SLC6A3: variants seen among roughly 807,000 people sequenced by gnomAD.
SLC6A3 encodes solute carrier family 6 member 3.
Under a neutral mutation model 70.4 loss-of-function variants are expected in SLC6A3, and 19 were observed. The observed-to-expected ratio is 0.27, with a 90% CI of 0.19 to 0.40. The LOEUF (loss-of-function observed/expected upper bound fraction) is 0.40. SLC6A3 is among the 10% of genes least tolerant of loss of function. The pLI is 1.00. For missense variants in SLC6A3, 613 were observed against 838.5 expected, an observed-to-expected ratio of 0.73 and a Z score of 3.32; for synonymous variants, 368 against 356.6, an observed-to-expected ratio of 1.03 and a Z score of -0.36.
Position 1,405,100 on chromosome 5 carries a change from T to C in SLC6A3, c.1599+1088A>G, listed in dbSNP as rs947555396. Among the ~76,000 whole-genome samples the C allele has an allele frequency of 1.3e-5, 2 of 152,284 alleles. No individual in the cohort carries two copies. Among genetic ancestry groups the C allele is most frequent in the African/African-American group, 4.8e-5 (2 of 41,572 alleles). ...TGCTATTAAAAGCCCGCCCCATGAA[T>C]CCAGGAACCTTCAACGGGAGCCTTC... On this transcript the variant is annotated intron_variant, in intron 12 of 14. Coordinates refer to ENST00000270349, the MANE Select transcript of SLC6A3 (RefSeq NM_001044.5). This position sits in a 1 kb window ranked among gnomAD's most constrained non-coding sequence, Gnocchi z 5.3.
chr5:1,443,860 TG>T (rs202140391), intron 1 of SLC6A3, among the ~76,000 whole-genome samples: 8 of 151,662 alleles, frequency 5.3e-5, no homozygotes, highest in African/African-American at 1.9e-4. Flanking sequence ...GTTTTTTTGT[TG>T]TTGTTGTTGT....
chr5:1,412,119 T>TC (rs1384541508), intron 8 of SLC6A3, among the ~76,000 whole-genome samples: 4 of 152,238 alleles, frequency 2.6e-5, no homozygotes, highest in African/African-American at 9.7e-5. Flanking sequence ...ATTCCTGACC[T>TC]CCGCCTTCCA....
Position 1,442,142 on chromosome 5 carries a change from T to C in SLC6A3, c.287-652A>G, listed in dbSNP as rs552828483. On this transcript the variant is annotated intron_variant, in intron 2 of 14. Coordinates refer to ENST00000270349, the MANE Select transcript of SLC6A3 (RefSeq NM_001044.5). This position sits in a 1 kb window ranked among gnomAD's most constrained non-coding sequence, Gnocchi z 5.0. ...GGAGTGAGGGAGAGCTTTGCCACTC[T>C]CTCTCCTGGGGAAGGGGAGGGGGAG... 1.1e-3 allele frequency among the ~76,000 whole-genome samples: 160 copies of C among 152,206 alleles called. No homozygotes were observed. Among genetic ancestry groups the C allele is most frequent in the Middle Eastern group, 3.4e-3 (1 of 294 alleles).
chr5:1,409,714 T>C lies in SLC6A3; in HGVS notation c.1398+7A>G. 1 of 1,613,084 alleles carries C rather than the reference T, an allele frequency of 6.2e-7. No homozygotes were observed. The highest frequency in any genetic ancestry group is 1.1e-5 in the South Asian group (1 of 91,088). ...CAGGAGAAGGCGAAGCCGGCGATGG[T>C]ACGTACGTTGGTGACGCAGAACAGG... On this transcript the variant is annotated splice_region_variant and intron_variant, in intron 10 of 14. Coordinates refer to ENST00000270349, the MANE Select transcript of SLC6A3 (RefSeq NM_001044.5).
intron 4 of SLC6A3, among the ~76,000 whole-genome samples, chr5:1,423,418 G>A (rs1276012301): frequency 7.9e-5 from 12 of 152,110 alleles, no homozygotes; most frequent in African/African-American, 1.4e-4. Context: ...GGATGAGGCC[G>A]AGCAAACTCT....
At chr5:1,417,566 G>T (rs1021608239) in intron 6 of SLC6A3, among the ~76,000 whole-genome samples, 1 of 152,248 alleles carries the variant, frequency 6.6e-6, no homozygotes, top group Non-Finnish European at 1.5e-5. Context: ...AACTCTGGAC[G>T]TGAAAGGAAA....
At chr5:1,415,069 T>C (rs1756252248) in intron 7 of SLC6A3, among the ~76,000 whole-genome samples, 1 of 152,124 alleles carries the variant, frequency 6.6e-6, no homozygotes, top group Non-Finnish European at 1.5e-5. Context: ...GCCACCCCTG[T>C]GCCCCGCGAG....
At chr5:1,426,507 A>C (rs563625931) in intron 4 of SLC6A3, among the ~76,000 whole-genome samples, 20 of 152,214 alleles carry the variant, frequency 1.3e-4, no homozygotes, top group South Asian at 2.1e-4. Context: ...ACCACTGCAC[A>C]CTCCAGCCTG....
In SLC6A3 at chr5:1,419,927, C is replaced by T. The variant is rs556385310; in HGVS notation, c.927+642G>A. ...ATGCCCGCCCATCCCTTCTCCCCTT[C>T]CTTCCCACTTCTGCCTTGGGTTTAC... On this transcript the variant is annotated intron_variant, in intron 6 of 14. Coordinates refer to ENST00000270349, the MANE Select transcript of SLC6A3 (RefSeq NM_001044.5). Among the ~76,000 whole-genome samples the T allele has an allele frequency of 1.8e-4, 27 of 152,296 alleles. 1 individual carries two copies. Among genetic ancestry groups the T allele is most frequent in the African/African-American group, 6.3e-4 (26 of 41,550 alleles).
rs1300022169 is a variant in SLC6A3 at position 1,404,392 on chromosome 5, G to A, written c.1600-1303C>T. ...CCACGCGTGCATCCCTGGACATGTC[G>A]GGCTTGCCTATCTGACATGGAGGTA... On this transcript the variant is annotated intron_variant, in intron 12 of 14. Transcript: ENST00000270349. This position sits in a 1 kb window ranked among gnomAD's most constrained non-coding sequence, Gnocchi z 5.2. Among the ~76,000 whole-genome samples the A allele has an allele frequency of 6.6e-6, 1 of 152,200 alleles. No homozygotes were observed. The highest frequency in any genetic ancestry group is 2.4e-5 in the African/African-American group (1 of 41,454).
rs200430075 is a variant in SLC6A3, at chr5:1,414,835, C to T, written c.1032-20G>A. Reference sequence around the variant, plus strand: ...GCGTCCCTGTAAGAACAAGACACGCCGTCTCAGGAACCAGCTGAGCTGCAG... The same window carrying T: ...GCGTCCCTGTAAGAACAAGACACGCTGTCTCAGGAACCAGCTGAGCTGCAG... On this transcript the variant is annotated intron_variant, in intron 7 of 14. Coordinates refer to ENST00000270349, the MANE Select transcript of SLC6A3 (RefSeq NM_001044.5). The T allele has an allele frequency of 1.4e-4, 219 of 1,612,694 alleles. No individual in the cohort carries two copies. Among genetic ancestry groups the T allele is most frequent in the African/African-American group, 6.1e-4 (46 of 74,966 alleles).
In SLC6A3 at chr5:1,442,160, AG is replaced by A. The variant is rs1352254319; in HGVS notation, c.287-671del. On this transcript the variant is annotated intron_variant, in intron 2 of 14. Transcript: ENST00000270349. This position sits in a 1 kb window ranked among gnomAD's most constrained non-coding sequence, Gnocchi z 5.0. ...GCCACTCTCTCTCCTGGGGAAGGGG[AG>A]GGGGAGGCATGGGGCCCCTCAGCTC... 6.6e-6 allele frequency among the ~76,000 whole-genome samples: 1 copy of A among 151,872 alleles called. No homozygotes were observed. Among genetic ancestry groups the A allele is most frequent in the Non-Finnish European group, 1.5e-5 (1 of 67,968 alleles).
In SLC6A3 at chr5:1,396,122, G is replaced by A. The variant is rs1359635518; in HGVS notation, c.1840-1364C>T. Reference sequence around the variant, plus strand: ...CAGAGCACACGCAGCTTCCAGAGATGAAGTAGAAAAGAGAATGGCTGGGCT... The same window carrying A: ...CAGAGCACACGCAGCTTCCAGAGATAAAGTAGAAAAGAGAATGGCTGGGCT... On this transcript the variant is annotated intron_variant, in intron 14 of 14. Transcript: ENST00000270349. This position sits in a 1 kb window ranked among gnomAD's most constrained non-coding sequence, Gnocchi z 7.0. Among the ~76,000 whole-genome samples, 1 of 152,172 alleles carries A rather than the reference G, an allele frequency of 6.6e-6. No individual in the cohort carries two copies. The highest frequency in any genetic ancestry group is 1.5e-5 in the Non-Finnish European group (1 of 68,028).
rs1187478573 is a variant in SLC6A3, at chr5:1,406,603, G to GGCCCCAGCACCCCCGCCAGGCCCCAGCAC, written c.1499-316_1499-315insGTGCTGGGGCCTGGCGGGGGTGCTGGGGC. On this transcript the variant is annotated intron_variant, in intron 11 of 14. Transcript: ENST00000270349. The surrounding 1 kb of genome is among the most constrained non-coding windows in gnomAD (Gnocchi z 8.8). ...CCCATGGCTCTCCCTGTCTCCCTCTGCTGCTGGTACTTCTTGTTCACTTAA... is the reference window on the plus strand; with the variant it reads ...CCCATGGCTCTCCCTGTCTCCCTCTGGCCCCAGCACCCCCGCCAGGCCCCAGCACCTGCTGGTACTTCTTGTTCACTTAA... 6.6e-6 allele frequency among the ~76,000 whole-genome samples: 1 copy of GGCCCCAGCACCCCCGCCAGGCCCCAGCAC among 152,164 alleles called. No individual in the cohort carries two copies.
chr5:1,434,959 G>T (rs906254511), intron 3 of SLC6A3, among the ~76,000 whole-genome samples: 1 of 152,256 alleles, frequency 6.6e-6, no homozygotes, highest in East Asian at 1.9e-4. Context: ...TGGTGACGAT[G>T]AAAGCCAAGC....
chr5:1,417,540 G>T (rs139478671), intron 6 of SLC6A3, among the ~76,000 whole-genome samples: 5 of 152,336 alleles, frequency 3.3e-5, no homozygotes, highest in Non-Finnish European at 7.3e-5. Flanking sequence ...TGCCCAACTC[G>T]GTGGATGGCA....
At chr5:1,410,831 TG>T (rs1466390544) in intron 9 of SLC6A3, among the ~76,000 whole-genome samples, 1 of 151,260 alleles carries the variant, frequency 6.6e-6, no homozygotes, top group Admixed American at 6.6e-5. Flanking sequence ...CGTGTGTGCA[TG>T]TGTGTGTTCG....
In SLC6A3 at chr5:1,394,644, C is replaced by T; in HGVS notation, c.*91G>A. 6 of 1,259,318 alleles carry T rather than the reference C, an allele frequency of 4.8e-6. No individual in the cohort carries two copies. The highest frequency in any genetic ancestry group is 7.0e-6 in the Non-Finnish European group (6 of 856,564). The allele number at this position is 1,259,318 out of a possible 1,614,324, so 78.0% of individuals were successfully genotyped here. ...AGTAGAGGTTGAAGAGTAGAAGTTGCCCTCCTTTCTCTCGAAACTTAGATT... is the reference window on the plus strand; with the variant it reads ...AGTAGAGGTTGAAGAGTAGAAGTTGTCCTCCTTTCTCTCGAAACTTAGATT... On this transcript the variant is annotated 3_prime_UTR_variant, in exon 15 of 15. Transcript: ENST00000270349. The surrounding 1 kb of genome is among the most constrained non-coding windows in gnomAD (Gnocchi z 4.7).
At chr5:1,426,569 C>G (rs543665309) in intron 4 of SLC6A3, among the ~76,000 whole-genome samples, 3 of 152,158 alleles carry the variant, frequency 2.0e-5, no homozygotes, top group Non-Finnish European at 4.4e-5. Flanking sequence ...AATGGATAAA[C>G]AAAACATGAT....
Sources: gnomAD v4.1 joint callset for allele counts (sites outside exome capture counted in the v4.1 genomes callset) on GRCh38, gnomAD v4.1.1 for gene constraint, Gnocchi (gnomAD v3.1) non-coding constraint, MANE v1.5 for transcripts, NCBI Gene and HGNC (gene_info 2026-07-23, HGNC 2026-07-21) for gene names.